KIAA0930: variants seen among roughly 807,000 people sequenced by gnomAD.
The protein encoded by KIAA0930 is uncharacterized protein KIAA0930.
In KIAA0930, 24 loss-of-function variants were observed where a neutral mutation model predicts 43.9. The observed-to-expected ratio is 0.55, with a 90% CI of 0.40 to 0.77. The LOEUF (loss-of-function observed/expected upper bound fraction) is 0.77. Among genes scored for constraint, KIAA0930 ranks in the 30% least tolerant of loss-of-function variants. The pLI, the probability that KIAA0930 is intolerant of heterozygous loss-of-function variation, is 0.00. For synonymous variants in KIAA0930, 259 were observed against 216.4 expected (o/e 1.20, Z -1.73); for missense variants, 461 against 574.2 (o/e 0.80, Z 2.02).
In KIAA0930 at chr22:45,205,466, T is replaced by C. The variant is rs540842628; in HGVS notation, c.415-148A>G. 912 of 919,744 alleles carry C rather than the reference T, an allele frequency of 9.9e-4. 17 individuals are homozygous for C. In the South Asian group the frequency reaches 0.013, roughly 13 times the overall value. The allele number at this position is 919,744 out of a possible 1,614,324, so 57.0% of individuals were successfully genotyped here. A position where few individuals can be genotyped will look rare whatever the true frequency, so the allele number is the denominator to read the frequency against. ...GGAGATGTGGGGGATAAGCTGGTTC[T>C]GTGCTCCTCGAATGGGATACGGGAT... On this transcript the variant is annotated intron_variant, in intron 4 of 9. Coordinates refer to ENST00000336156, the MANE Select transcript of KIAA0930 (RefSeq NM_001009880.2).
intron 2 of KIAA0930, among the ~76,000 whole-genome samples, chr22:45,209,460 T>A (rs2083672869): frequency 6.6e-6 from 1 of 152,116 alleles, no homozygotes; most frequent in Admixed American, 6.5e-5. Context: ...GCAATCTCCA[T>A]CGGCCTAGTC....
At chr22:45,214,724 C>G (rs7288703) in intron 1 of KIAA0930, among the ~76,000 whole-genome samples, 2,592 of 151,916 alleles carry the variant, frequency 0.017, 68 homozygotes, top group African/African-American at 0.06. Context: ...GCCTGGGCAA[C>G]ACAGTGAGAC....
intron 1 of KIAA0930, among the ~76,000 whole-genome samples, chr22:45,230,204 G>A (rs35121694): frequency 0.22 from 34,096 of 152,096 alleles, 4,004 homozygotes; most frequent in East Asian, 0.32. Context: ...CTTGGCCTGC[G>A]GCTGAGGAGT....
intron 1 of KIAA0930, among the ~76,000 whole-genome samples, chr22:45,232,121 T>C (rs1337899349): frequency 2.6e-5 from 4 of 152,138 alleles, no homozygotes; most frequent in African/African-American, 9.7e-5. Flanking sequence ...TCACCCCAGG[T>C]CCACCTATCA....
chr22:45,203,693 G>A (rs972363630), intron 6 of KIAA0930, 152 bp downstream of exon 6: 13 of 766,500 alleles, frequency 1.7e-5, no homozygotes, highest in East Asian at 1.1e-4. Flanking sequence ...ACCAGGGAGC[G>A]CCTAGAAGGA....
At chr22:45,208,373 C>CACACAT (rs2083658656) in intron 2 of KIAA0930, among the ~76,000 whole-genome samples, 23 of 99,764 alleles carry the variant, frequency 2.3e-4, no homozygotes, top group African/African-American at 2.9e-4. Context: ...TCCACATGCA[C>CACACAT]GAGCTGTAAG....
intron 1 of KIAA0930, among the ~76,000 whole-genome samples, chr22:45,232,313 G>C (rs2083858883): frequency 6.6e-6 from 1 of 152,252 alleles, no homozygotes. Context: ...TCTGCCATAA[G>C]TGTTGCTCCA....
chr22:45,231,920 G>A (rs1339202746), intron 1 of KIAA0930, among the ~76,000 whole-genome samples: 1 of 152,184 alleles, frequency 6.6e-6, no homozygotes, highest in Non-Finnish European at 1.5e-5. Context: ...GAACCTGGGA[G>A]GCGGAGCTTG....
At chr22:45,218,922 A>G (rs5766556) in intron 1 of KIAA0930, among the ~76,000 whole-genome samples, 25,808 of 152,132 alleles carry the variant, frequency 0.17, 2,643 homozygotes, top group African/African-American at 0.29. Context: ...AGAACCCGTG[A>G]AAGAACTTCA....
chr22:45,209,780 A>G (rs936165188), intron 2 of KIAA0930, among the ~76,000 whole-genome samples: 4 of 152,156 alleles, frequency 2.6e-5, no homozygotes, highest in Admixed American at 1.3e-4. Context: ...GTGGGTGTTC[A>G]ATAGAACATT....
intron 1 of KIAA0930, among the ~76,000 whole-genome samples, chr22:45,238,795 C>T (rs1309873732): frequency 6.6e-6 from 1 of 151,988 alleles, no homozygotes; most frequent in Non-Finnish European, 1.5e-5. Context: ...GAGTGGAGGG[C>T]AGGCTCTGAG....
intron 7 of KIAA0930, among the ~76,000 whole-genome samples, chr22:45,200,794 G>A (rs1301423870): frequency 1.3e-5 from 2 of 152,214 alleles, no homozygotes; most frequent in East Asian, 1.9e-4. Flanking sequence ...CTCAGAGAGT[G>A]ACAACCATAG....
intron 8 of KIAA0930, among the ~76,000 whole-genome samples, chr22:45,198,895 C>A (rs1286720547): frequency 6.6e-6 from 1 of 152,222 alleles, no homozygotes; most frequent in Non-Finnish European, 1.5e-5. Flanking sequence ...AGGTGATCCA[C>A]CCGCCTCGGT....
intron 5 of KIAA0930, among the ~76,000 whole-genome samples, chr22:45,204,527 G>A (rs563438035): frequency 6.6e-6 from 1 of 152,314 alleles, no homozygotes; most frequent in African/African-American, 2.4e-5. Context: ...GGAGCTACGT[G>A]TGCCTGGGGA....
At chr22:45,232,540 G>C (rs1229869755) in intron 1 of KIAA0930, among the ~76,000 whole-genome samples, 2 of 152,108 alleles carry the variant, frequency 1.3e-5, no homozygotes, top group East Asian at 3.9e-4. Context: ...TCCACTCTGA[G>C]TCTCCCCTGT....
At chr22:45,214,944 G>A (rs1389634076) in intron 1 of KIAA0930, among the ~76,000 whole-genome samples, 1 of 151,444 alleles carries the variant, frequency 6.6e-6, no homozygotes, top group East Asian at 2.0e-4. Flanking sequence ...TAGGCCAGGT[G>A]CAGTGGCTCA....
rs1306518432 is a variant in KIAA0930 at position 45,216,379 on chromosome 22, A to C, written c.65-4272T>G. Among the ~76,000 whole-genome samples, 3 of 151,898 alleles carry C rather than the reference A, an allele frequency of 2.0e-5. No homozygotes were observed. The South Asian group carries it at 6.7e-4, about 34-fold the overall frequency. On this transcript the variant is annotated intron_variant, in intron 1 of 9. Transcript: ENST00000336156. ...AAAGTGAAAGTGCTCTGCTGGCTGC[A>C]CGGCTCCAGCTGCTGCAATGTGGGC...
chr22:45,205,955 G>C, intron 2 of KIAA0930, 43 bp from the exon 3 acceptor site: 1 of 1,604,610 alleles, frequency 6.2e-7, no homozygotes, highest in Non-Finnish European at 8.5e-7. Context: ...GGCCCACTGT[G>C]GTGCTCTTCT....
In KIAA0930 at chr22:45,192,722, AC is replaced by A. The variant is rs2083500346; in HGVS notation, c.*4453del. ...CTCAAGGACTGGAAACGGAATAAAAACGCCTACTCGCCTTAGGCAGGATAAG... is the reference window on the plus strand; with the variant it reads ...CTCAAGGACTGGAAACGGAATAAAAAGCCTACTCGCCTTAGGCAGGATAAG... On this transcript the variant is annotated 3_prime_UTR_variant, in exon 10 of 10. Transcript: ENST00000336156. 6.6e-6 allele frequency: 1 copy of A among 152,172 alleles called. No homozygotes were observed. Among genetic ancestry groups the A allele is most frequent in the African/African-American group, 2.4e-5 (1 of 41,440 alleles). The allele number at this position is 152,172 out of a possible 1,614,324, so 9.4% of individuals were successfully genotyped here.
Sources: allele counts gnomAD v4.1 joint callset (sites outside exome capture counted in the v4.1 genomes callset), GRCh38; gene constraint gnomAD v4.1.1; transcripts MANE v1.5; gene names NCBI Gene and HGNC (gene_info 2026-07-23, HGNC 2026-07-21).